EPC1: variants seen among roughly 807,000 people sequenced by gnomAD.
The protein encoded by EPC1 is enhancer of polycomb homolog 1.
Under a neutral mutation model 98.4 loss-of-function variants are expected in EPC1, and 12 were observed. The ratio of observed to expected loss-of-function variants is 0.12; its 90% CI spans 0.08 to 0.20. The LOEUF (loss-of-function observed/expected upper bound fraction) is 0.20. Ranked by LOEUF, EPC1 falls within the 10% of genes least tolerant of loss-of-function variation. The pLI, the probability that EPC1 is intolerant of heterozygous loss-of-function variation, is 1.00. For synonymous variants in EPC1, 357 were observed against 363.9 expected, an observed-to-expected ratio of 0.98 and a Z score of 0.21; for missense variants, 729 against 990.5, an observed-to-expected ratio of 0.74 and a Z score of 3.54.
intron 2 of EPC1, among the ~76,000 whole-genome samples, chr10:32,294,190 C>T (rs1347021108): frequency 1.3e-5 from 2 of 151,820 alleles, no homozygotes; most frequent in East Asian, 1.9e-4. Context: ...ACTACTTTAC[C>T]AAAAGCTAAG....
chr10:32,326,997 CAAA>C (rs139000044), intron 1 of EPC1, among the ~76,000 whole-genome samples: 14,974 of 75,112 alleles, frequency 0.2, 927 homozygotes, highest in Non-Finnish European at 0.22. Flanking sequence ...AGAGGGTCCT[CAAA>C]AAAAAAAAAA....
At chr10:32,296,906 C>CA (rs879816360) in intron 2 of EPC1, among the ~76,000 whole-genome samples, 13,871 of 129,422 alleles carry the variant, frequency 0.11, 1,823 homozygotes, top group African/African-American at 0.32. Flanking sequence ...GACTCCATCT[C>CA]AAAAAAAAAA....
intron 1 of EPC1, among the ~76,000 whole-genome samples, chr10:32,315,787 C>T (rs998053937): frequency 2.6e-5 from 4 of 152,198 alleles, no homozygotes; most frequent in Non-Finnish European, 5.9e-5. Context: ...TCGTTATAAT[C>T]GCCTCTAACT....
intron 2 of EPC1, among the ~76,000 whole-genome samples, chr10:32,295,698 C>T (rs1218353816): frequency 5.9e-5 from 9 of 152,154 alleles, no homozygotes; most frequent in Admixed American, 5.9e-4. Context: ...AACCACTAGC[C>T]ATGTGCGGCT....
In EPC1 at chr10:32,345,165, C is replaced by T. The variant is rs565912765; in HGVS notation, c.153+1598G>A. ...AACAAATCACTTATTAAAAAATAAA[C>T]AAATGGCCATGCTACTCTAAAGTTG... On this transcript the variant is annotated intron_variant, in intron 1 of 13. Coordinates refer to ENST00000319778, the MANE Select transcript of EPC1 (RefSeq NM_001272004.3). 21 of 981,804 alleles carry T rather than the reference C, an allele frequency of 2.1e-5. No individual in the cohort carries two copies. The South Asian group carries it at 9.4e-4, about 44-fold the overall frequency. 60.8% of individuals were successfully genotyped at this position (981,804 alleles called of 1,614,324 possible).
At chr10:32,347,736 A>G (rs1234118698), upstream of EPC1, among the ~76,000 whole-genome samples, 1 of 152,230 alleles carries the variant, frequency 6.6e-6, no homozygotes, top group Non-Finnish European at 1.5e-5. Flanking sequence ...CGATAAAAAT[A>G]CAAACTGAAT....
intron 2 of EPC1, among the ~76,000 whole-genome samples, chr10:32,300,191 C>A (rs561527268): frequency 6.6e-6 from 1 of 151,614 alleles, no homozygotes; most frequent in Admixed American, 6.6e-5. Context: ...GGATTACAGG[C>A]ATGAGCCACC....
intron 1 of EPC1, among the ~76,000 whole-genome samples, chr10:32,344,502 T>C (rs757093525): frequency 6.6e-6 from 1 of 152,194 alleles, no homozygotes; most frequent in Non-Finnish European, 1.5e-5. Context: ...AATGTCAAAA[T>C]TGGCCGGGCG....
At chr10:32,341,953 C>CCT (rs1564557550) in intron 1 of EPC1, among the ~76,000 whole-genome samples, 1 of 152,194 alleles carries the variant, frequency 6.6e-6, no homozygotes, top group Non-Finnish European at 1.5e-5. Flanking sequence ...ATTTTATAGG[C>CCT]ATATGGTGGG....
intron 1 of EPC1, among the ~76,000 whole-genome samples, chr10:32,328,725 G>A (rs1297636581): frequency 6.6e-6 from 1 of 152,144 alleles, no homozygotes; most frequent in African/African-American, 2.4e-5. Context: ...CTTGTCACAC[G>A]GGGCTGTGGG....
At chr10:32,317,251 A>G (rs1264518707) in intron 1 of EPC1, among the ~76,000 whole-genome samples, 1 of 152,236 alleles carries the variant, frequency 6.6e-6, no homozygotes, top group African/African-American at 2.4e-5. Flanking sequence ...TATCCAATAA[A>G]TACTTATTTA....
At chr10:32,316,242 A>G (rs537407760) in intron 1 of EPC1, among the ~76,000 whole-genome samples, 1 of 152,322 alleles carries the variant, frequency 6.6e-6, no homozygotes, top group Non-Finnish European at 1.5e-5. Context: ...ACTCTCATAC[A>G]TGGTTAGTGA....
At chr10:32,287,077 C>T (rs1836728112) in intron 7 of EPC1, 21 bp downstream of exon 7, 3 of 1,613,846 alleles carry the variant, frequency 1.9e-6, no homozygotes, top group Non-Finnish European at 2.5e-6. Flanking sequence ...CCTCAATGTT[C>T]ATAGAGAATT....
chr10:32,346,953 G>A lies in EPC1; in HGVS notation c.-38C>T. ...AGATACCTCTCCGCTCTGGGGAAACGGCCCCGGCCAGCGGGATCATGGAGA... is the reference window on the plus strand; with the variant it reads ...AGATACCTCTCCGCTCTGGGGAAACAGCCCCGGCCAGCGGGATCATGGAGA... On this transcript the variant is annotated 5_prime_UTR_variant, in exon 1 of 14. Coordinates refer to ENST00000319778, the MANE Select transcript of EPC1 (RefSeq NM_001272004.3). 1.2e-6 allele frequency: 2 copies of A among 1,606,844 alleles called. No homozygotes were observed. The highest frequency in any genetic ancestry group is 2.2e-5 in the East Asian group (1 of 44,772).
intron 1 of EPC1, chr10:32,346,494 AC>A (rs1838821628): frequency 2.3e-6 from 1 of 438,584 alleles, no homozygotes; most frequent in African/African-American, 2.1e-5. Context: ...TCGTCACGTG[AC>A]CCCTTTGTGC....
chr10:32,345,518 T>G, intron 1 of EPC1: 2 of 985,530 alleles, frequency 2.0e-6, no homozygotes, highest in Non-Finnish European at 2.4e-6. Context: ...ACTCCTGGAC[T>G]TCCTTGAACT....
chr10:32,326,475 T>C (rs911786654), intron 1 of EPC1, among the ~76,000 whole-genome samples: 7 of 152,260 alleles, frequency 4.6e-5, no homozygotes, highest in African/African-American at 1.4e-4. Flanking sequence ...AAAAAAACTT[T>C]GCGTATTTTA....
intron 9 of EPC1, 159 bp downstream of exon 9, chr10:32,286,535 A>T: frequency 1.2e-6 from 1 of 837,546 alleles, no homozygotes; most frequent in Non-Finnish European, 1.8e-6. Context: ...TGTAAGAACC[A>T]GGCAGCACAG....
rs1336736125 is a variant in EPC1, at chr10:32,293,082, A to G, written c.572T>C (p.Ile191Thr). 2 of 1,613,544 alleles carry G rather than the reference A, an allele frequency of 1.2e-6. No homozygotes were observed. Among genetic ancestry groups the G allele is most frequent in the East Asian group, 4.5e-5 (2 of 44,830 alleles). ...TCGCTTCTCTTGTTTTACTGATGGAATAAGAGATGGCCCTCGACAGTTTTT... is the reference window on the plus strand; with the variant it reads ...TCGCTTCTCTTGTTTTACTGATGGAGTAAGAGATGGCCCTCGACAGTTTTT... ...KRKNCRGPSLIPSVKQEKRDG... is the reference protein window; with the variant it reads ...KRKNCRGPSLTPSVKQEKRDG... The change falls in exon 4 of 14, where the codon ATT becomes ACT. Residue 191 changes from isoleucine (I) to threonine (T), a missense_variant. Ile to Thr is a moderately conservative substitution (Grantham distance 89). Coordinates refer to ENST00000319778, the MANE Select transcript of EPC1 (RefSeq NM_001272004.3).
Sources: gnomAD v4.1 joint callset for allele counts (sites outside exome capture counted in the v4.1 genomes callset) on GRCh38, gnomAD v4.1.1 for gene constraint, MANE v1.5 for transcripts, NCBI Gene and HGNC (gene_info 2026-07-23, HGNC 2026-07-21) for gene names.